The following IL15 variants were observed in gnomAD, a reference collection of about 807,000 sequenced individuals.
IL15 encodes interleukin 15, also known as interleukin-15.
IL15 carries 11 observed loss-of-function variants against 19.6 expected under a neutral mutation model. That is an observed-to-expected ratio of 0.56 (90% confidence interval 0.35 to 0.93). IL15 has a LOEUF of 0.93. IL15 is among the 40% of genes least tolerant of loss of function. IL15 has a pLI of 0.01. For missense variants in IL15, 197 were observed against 186.5 expected, an observed-to-expected ratio of 1.06 and a Z score of -0.33; for synonymous variants, 58 against 59.6, an observed-to-expected ratio of 0.97 and a Z score of 0.12.
At chr4:141,655,344 A>G (rs2152158175) in intron 1 of IL15, among the ~76,000 whole-genome samples, 1 of 152,242 alleles carries the variant, frequency 6.6e-6, no homozygotes. Context: ...AGGCGGTATT[A>G]TACAAACATG....
At chr4:141,720,848 A>G in intron 4 of IL15, 1 of 540,938 alleles carries the variant, frequency 1.8e-6, no homozygotes, top group South Asian at 2.4e-5. Flanking sequence ...ACTTATTGAT[A>G]GACTACATAT....
intron 2 of IL15, chr4:141,716,350 G>T (rs934607155): frequency 7.2e-5 from 11 of 152,172 alleles, no homozygotes; most frequent in African/African-American, 2.2e-4. Flanking sequence ...GCTGCCTTGG[G>T]ACTTGGCTCC....
chr4:141,684,809 T>A (rs779388967), intron 2 of IL15, among the ~76,000 whole-genome samples: 1 of 152,210 alleles, frequency 6.6e-6, no homozygotes, highest in African/African-American at 2.4e-5. Flanking sequence ...AAATATTGAG[T>A]GTCTTCTATG....
At chr4:141,724,757 T>C (rs1560939105) in intron 5 of IL15, among the ~76,000 whole-genome samples, 1 of 151,946 alleles carries the variant, frequency 6.6e-6, no homozygotes, top group African/African-American at 2.4e-5. Context: ...GAAGATGAAA[T>C]AGACAATCCA....
chr4:141,664,733 A>T (rs1051761066), intron 2 of IL15, among the ~76,000 whole-genome samples: 7 of 152,212 alleles, frequency 4.6e-5, no homozygotes, highest in Admixed American at 2.6e-4. Flanking sequence ...AAGCACAAGA[A>T]TGAATAGAAA....
At chr4:141,647,668 T>G (rs1410931378) in intron 1 of IL15, among the ~76,000 whole-genome samples, 1 of 152,018 alleles carries the variant, frequency 6.6e-6, no homozygotes, top group African/African-American at 2.4e-5. Flanking sequence ...GACCTTGCCT[T>G]CCTGTCATAC....
intron 1 of IL15, chr4:141,637,042 C>T (rs1726880729): frequency 1.3e-5 from 2 of 152,290 alleles, no homozygotes; most frequent in African/African-American, 4.8e-5. Flanking sequence ...CTGCGCTGCG[C>T]TCTTACGGCG....
chr4:141,659,226 G>A (rs1483970875), intron 2 of IL15, among the ~76,000 whole-genome samples: 3 of 141,636 alleles, frequency 2.1e-5, no homozygotes, highest in African/African-American at 2.7e-5. Flanking sequence ...TTTTGGAGAC[G>A]GAGTCTTGCT....
rs1010692203 is a variant in IL15 at position 141,644,033 on chromosome 4, A to G, written c.-222+7285A>G. Among the ~76,000 whole-genome samples the G allele has an allele frequency of 2.6e-5, 4 of 151,876 alleles. 1 individual carries two copies. In the East Asian group the frequency reaches 7.8e-4, roughly 30 times the overall value. On this transcript the variant is annotated intron_variant, in intron 1 of 7. Transcript: ENST00000320650. ...TTGGGTTTGTCCTTAACGTCTCTTT[A>G]TGTCATATTCCACGTTGAATCTGCC...
At chr4:141,724,135 G>A (rs547413126) in intron 5 of IL15, among the ~76,000 whole-genome samples, 15 of 151,930 alleles carry the variant, frequency 9.9e-5, no homozygotes, top group African/African-American at 3.6e-4. Flanking sequence ...AAACCACAAT[G>A]GAATCAAACC....
At chr4:141,643,732 T>C (rs1438437558) in intron 1 of IL15, among the ~76,000 whole-genome samples, 4 of 152,080 alleles carry the variant, frequency 2.6e-5, no homozygotes, top group Non-Finnish European at 5.9e-5. Context: ...CTATCTGTAC[T>C]CTCTGTCTTG....
In IL15 at chr4:141,664,340, A is replaced by AG. The variant is rs1486872238; in HGVS notation, c.-100+8033_-100+8034insG. ...TCATTAAAAAAATTCTTTGGTGGGC[A>AG]AAACACACACACACACACACACACA... On this transcript the variant is annotated intron_variant, in intron 2 of 7. Coordinates refer to ENST00000320650, the MANE Select transcript of IL15 (RefSeq NM_000585.5). 1.8e-3 allele frequency among the ~76,000 whole-genome samples: 170 copies of AG among 96,262 alleles called. 1 individual carries two copies. The highest frequency in any genetic ancestry group is 7.1e-3 in the African/African-American group (162 of 22,684). 63.2% of individuals were successfully genotyped at this position (96,262 alleles called of 152,430 possible).
At chr4:141,683,299 G>A (rs548047359) in intron 2 of IL15, among the ~76,000 whole-genome samples, 1 of 151,448 alleles carries the variant, frequency 6.6e-6, no homozygotes. Flanking sequence ...GGCTGGGCGC[G>A]GTGGCTCATG....
chr4:141,656,011 T>C lies in IL15; in HGVS notation c.-221-175T>C, dbSNP rs77616961. Among the ~76,000 whole-genome samples, 1,478 of 152,318 alleles carry C rather than the reference T, an allele frequency of 9.7e-3. 23 individuals are homozygous for C. Among genetic ancestry groups the C allele is most frequent in the African/African-American group, 0.034 (1,421 of 41,564 alleles). Reference sequence around the variant, plus strand: ...GTTAAATTATGGGGAACTCTGAGGATTGTAGAAAAGATTTCCCCAAGAAGT... The same window carrying C: ...GTTAAATTATGGGGAACTCTGAGGACTGTAGAAAAGATTTCCCCAAGAAGT... On this transcript the variant is annotated intron_variant, in intron 1 of 7. Transcript: ENST00000320650.
At chr4:141,705,160 G>A (rs1729467810) in intron 2 of IL15, among the ~76,000 whole-genome samples, 2 of 151,750 alleles carry the variant, frequency 1.3e-5, no homozygotes, top group Admixed American at 6.6e-5. Context: ...GTTCCTTGAG[G>A]TGAATCATTG....
chr4:141,664,518 TG>T (rs1727904955), intron 2 of IL15, among the ~76,000 whole-genome samples: 1 of 152,072 alleles, frequency 6.6e-6, no homozygotes, highest in East Asian at 1.9e-4. Context: ...CTGGGGCGTG[TG>T]GGGAAGTACA....
At chr4:141,670,981 G>A (rs1395748462) in intron 2 of IL15, among the ~76,000 whole-genome samples, 1 of 152,176 alleles carries the variant, frequency 6.6e-6, no homozygotes, top group Admixed American at 6.5e-5. Context: ...GGTGAGTTGT[G>A]TATATATCAC....
chr4:141,718,183 G>A (rs780492554), intron 2 of IL15: 2 of 152,088 alleles, frequency 1.3e-5, no homozygotes, highest in African/African-American at 2.4e-5. Flanking sequence ...AAGAGGCCAG[G>A]AATGAAATTT....
intron 2 of IL15, chr4:141,704,529 GT>G (rs1403683548): frequency 3.4e-6 from 1 of 290,148 alleles, no homozygotes; most frequent in Non-Finnish European, 7.0e-6. Flanking sequence ...TCCTTGTCTG[GT>G]TTTGGAATCG....
Sources: gnomAD v4.1 joint callset for allele counts (sites outside exome capture counted in the v4.1 genomes callset) on GRCh38, gnomAD v4.1.1 for gene constraint, MANE v1.5 for transcripts, NCBI Gene and HGNC (gene_info 2026-07-23, HGNC 2026-07-21) for gene names.